ALPK2: variants seen among roughly 807,000 people sequenced by gnomAD.
ALPK2 encodes the protein alpha-protein kinase 2.
ALPK2 carries 127 observed loss-of-function variants against 163.1 expected under a neutral mutation model. That is an observed-to-expected ratio of 0.78 (90% confidence interval 0.67 to 0.90). The LOEUF is 0.90. Among genes scored for constraint, ALPK2 ranks in the 40% least tolerant of loss-of-function variants. The probability of loss-of-function intolerance (pLI) is 0.00; values close to 1 mark genes in which losing one functional copy is unlikely to be tolerated. For missense variants in ALPK2, 2,360 were observed against 2,589.6 expected, an observed-to-expected ratio of 0.91 and a Z score of 1.92; for synonymous variants, 953 against 959.1, an observed-to-expected ratio of 0.99 and a Z score of 0.12.
chr18:58,573,336 GTATATATATGTA>G (rs2051898654), intron 4 of ALPK2, among the ~76,000 whole-genome samples: 1 of 108,464 alleles, frequency 9.2e-6, no homozygotes, highest in Non-Finnish European at 2.1e-5. Flanking sequence ...GTATATATGT[GTATATATATGTA>G]TATATATATG....
chr18:58,582,204 C>T (rs114140317), intron 3 of ALPK2, among the ~76,000 whole-genome samples: 80 of 152,264 alleles, frequency 5.3e-4, no homozygotes, highest in African/African-American at 1.8e-3. Flanking sequence ...AATACCTGCG[C>T]TCCTGTCTAT....
chr18:58,564,123 C>CTTGTTTTTTTTTTTTTTT (rs2051838571), intron 4 of ALPK2, among the ~76,000 whole-genome samples: 1 of 102,490 alleles, frequency 9.8e-6, no homozygotes, highest in Non-Finnish European at 1.8e-5. Context: ...TGTCTTTGTT[C>CTTGTTTTTTTTTTTTTTT]TTTTTTTTTT....
In ALPK2 at chr18:58,529,240, T is replaced by A; in HGVS notation, c.5354-2A>T. On this transcript the variant is annotated splice_acceptor_variant, in intron 5 of 12. Coordinates refer to ENST00000361673, the MANE Select transcript of ALPK2 (RefSeq NM_052947.4). LOFTEE classifies it high-confidence loss of function. ...GGATCTTTTTCAGTAATACTGGAGCTAGAAACAAGATATTTGAAGGTCAGT... is the reference window on the plus strand; with the variant it reads ...GGATCTTTTTCAGTAATACTGGAGCAAGAAACAAGATATTTGAAGGTCAGT... The A allele has an allele frequency of 6.2e-7, 1 of 1,609,242 alleles. No individual in the cohort carries two copies. The highest frequency in any genetic ancestry group is 1.1e-5 in the South Asian group (1 of 89,970).
At position 58,505,572 on chromosome 18, in the gene ALPK2, A is replaced by G. The variant is rs2051457810; in HGVS notation, c.6030-1424T>C. ...CAGTTTTTCCTTTCTCTCCTCCATC[A>G]ATATTCCCTCTACAGAATCATTCCC... On this transcript the variant is annotated intron_variant, in intron 10 of 12. Transcript: ENST00000361673. Among the ~76,000 whole-genome samples, 2 of 151,860 alleles carry G rather than the reference A, an allele frequency of 1.3e-5. 1 individual carries two copies. The highest frequency in any genetic ancestry group is 4.2e-4 in the South Asian group (2 of 4,804).
intron 1 of ALPK2, among the ~76,000 whole-genome samples, chr18:58,616,294 G>T (rs1471371384): frequency 6.6e-6 from 1 of 152,030 alleles, no homozygotes; most frequent in East Asian, 1.9e-4. Context: ...GGCACTTTTG[G>T]CCTTGGGAAA....
Position 58,537,877 on chromosome 18 carries a change from C to T in ALPK2, c.2310G>A (p.Glu770=), listed in dbSNP as rs572819089. 39 of 1,614,190 alleles carry T rather than the reference C, an allele frequency of 2.4e-5. No individual in the cohort carries two copies. The South Asian group carries it at 3.8e-4, about 16-fold the overall frequency. ...LPKDARADFR[E]PVAVSVASPE... The stretch of plus-strand genomic sequence containing the variant: ...GGGAAGCAACAGAGACAGCCACAGG[C>T]TCCCTGAAGTCAGCACGAGCATCCT... Residue 770 remains glutamate (E), a synonymous_variant, in exon 5 of 13, where the codon GAG becomes GAA. Transcript: ENST00000361673.
Position 58,537,876 on chromosome 18 carries a change from G to T in ALPK2, c.2311C>A (p.Pro771Thr), listed in dbSNP as rs1366070969. ...PKDARADFRE[P>T]VAVSVASPEP... The stretch of plus-strand genomic sequence containing the variant: ...GGGGAAGCAACAGAGACAGCCACAG[G>T]CTCCCTGAAGTCAGCACGAGCATCC... The change falls in exon 5 of 13, where the codon CCT (proline) becomes ACT (threonine). Residue 771 changes from proline (P) to threonine (T), a missense_variant. Physicochemically the swap from Pro to Thr is conservative, Grantham distance 38. Transcript: ENST00000361673. The T allele has an allele frequency of 3.1e-6, 5 of 1,614,166 alleles. No homozygotes were observed. In the Admixed American group the frequency reaches 6.7e-5, roughly 22 times the overall value.
chr18:58,551,431 T>C (rs909056359), intron 4 of ALPK2, among the ~76,000 whole-genome samples: 9 of 152,184 alleles, frequency 5.9e-5, no homozygotes, highest in Non-Finnish European at 1.2e-4. Flanking sequence ...CCGTGTGTCC[T>C]CTCCTCTTCT....
intron 10 of ALPK2, among the ~76,000 whole-genome samples, chr18:58,512,678 T>C (rs930840801): frequency 1.3e-5 from 2 of 149,356 alleles, no homozygotes; most frequent in African/African-American, 5.0e-5. Flanking sequence ...GTGTGTGGTA[T>C]GTGTGTGGTA....
intron 12 of ALPK2, among the ~76,000 whole-genome samples, chr18:58,487,750 A>G (rs988745733): frequency 1.3e-5 from 2 of 152,186 alleles, no homozygotes; most frequent in African/African-American, 2.4e-5. Context: ...GACCAGGCGC[A>G]CTGGCTCACG....
chr18:58,502,240 A>G (rs1045242696), intron 11 of ALPK2, among the ~76,000 whole-genome samples: 11 of 151,890 alleles, frequency 7.2e-5, no homozygotes, highest in African/African-American at 2.7e-4. Flanking sequence ...CCGTAGTCCC[A>G]GCTACATGGC....
At position 58,600,069 on chromosome 18, in the gene ALPK2, C is replaced by A. The variant is rs550827569; in HGVS notation, c.227+7253G>T. 4.3e-3 allele frequency among the ~76,000 whole-genome samples: 541 copies of A among 126,784 alleles called. 2 individuals are homozygous for A. Among genetic ancestry groups the A allele is most frequent in the Admixed American group, 8.7e-3 (88 of 10,130 alleles). 83.2% of individuals were successfully genotyped at this position (126,784 alleles called of 152,430 possible). A position where few individuals can be genotyped will look rare whatever the true frequency, so the allele number is the denominator to read the frequency against. On this transcript the variant is annotated intron_variant, in intron 3 of 12. Coordinates refer to ENST00000361673, the MANE Select transcript of ALPK2 (RefSeq NM_052947.4). The stretch of plus-strand genomic sequence containing the variant: ...TTTTTTTTTTTGAGACAGAGTCTCG[C>A]TCTGTTGCCCAGGCTGGAGTGCAGT...
In ALPK2 at chr18:58,538,350, A is replaced by C; in HGVS notation, c.1963-126T>G. 1.2e-5 allele frequency: 11 copies of C among 909,224 alleles called. 1 individual carries two copies. In the South Asian group the frequency reaches 1.8e-4, roughly 15 times the overall value. The allele number at this position is 909,224 out of a possible 1,614,324, so 56.3% of individuals were successfully genotyped here. On this transcript the variant is annotated intron_variant, in intron 4 of 12. Coordinates refer to ENST00000361673, the MANE Select transcript of ALPK2 (RefSeq NM_052947.4). ...AATGGACAAGAATGATTGAAATCTA[A>C]ACATTAATCCCCCAACTCCCTCTAG...
chr18:58,600,854 C>CTGA (rs1342395825), intron 3 of ALPK2, among the ~76,000 whole-genome samples: 1 of 152,206 alleles, frequency 6.6e-6, no homozygotes, highest in African/African-American at 2.4e-5. Flanking sequence ...TCCCACTGGA[C>CTGA]TGATCCCACT....
intron 3 of ALPK2, among the ~76,000 whole-genome samples, chr18:58,589,130 G>A (rs933689795): frequency 1.3e-5 from 2 of 152,174 alleles, no homozygotes; most frequent in African/African-American, 4.8e-5. Context: ...GCTGGCTGTT[G>A]CACCCTGGAA....
intron 4 of ALPK2, among the ~76,000 whole-genome samples, chr18:58,540,010 G>C (rs1370632987): frequency 6.6e-6 from 1 of 152,170 alleles, no homozygotes; most frequent in Non-Finnish European, 1.5e-5. Flanking sequence ...TGAGGGCTAG[G>C]ACTACTTAAT....
chr18:58,522,794 C>A (rs913899404), intron 8 of ALPK2, among the ~76,000 whole-genome samples: 4 of 152,168 alleles, frequency 2.6e-5, no homozygotes, highest in African/African-American at 9.7e-5. Context: ...CCCCAAAACT[C>A]CACTGCTACA....
rs78047545 is a variant in ALPK2 at position 58,580,319 on chromosome 18, T to C, written c.457A>G (p.Ile153Val). 4.6e-3 allele frequency: 7,355 copies of C among 1,614,098 alleles called. 282 individuals carry two copies. In the African/African-American group the frequency reaches 0.084, roughly 19 times the overall value. ...KEHPYKEEES[I>V]SPGTPRSADS... ...GCTGACCTGGGAGTGCCCGGGGAGA[T>C]GCTTTCTTCTTCCTTATAAGGATGT... is the stretch of plus-strand genomic sequence containing the variant. The change falls in exon 4 of 13, where the codon ATC becomes GTC. Residue 153 changes from isoleucine (I) to valine (V), a missense_variant. Physicochemically the swap from Ile to Val is conservative, Grantham distance 29. Transcript: ENST00000361673.
intron 1 of ALPK2, among the ~76,000 whole-genome samples, chr18:58,614,896 C>T (rs1221558768): frequency 6.6e-6 from 1 of 152,158 alleles, no homozygotes; most frequent in Non-Finnish European, 1.5e-5. Context: ...CTCCTCATCT[C>T]CCCATTTCCA....
Sources: allele counts gnomAD v4.1 joint callset (sites outside exome capture counted in the v4.1 genomes callset), GRCh38; gene constraint gnomAD v4.1.1; transcripts MANE v1.5; gene names NCBI Gene and HGNC (gene_info 2026-07-23, HGNC 2026-07-21).